The following DOCK1 variants were observed in gnomAD, a reference collection of about 807,000 sequenced individuals.
DOCK1 encodes dedicator of cytokinesis 1.
DOCK1 carries 138 observed loss-of-function variants against 262.7 expected under a neutral mutation model. That is an observed-to-expected ratio of 0.53 (90% confidence interval 0.46 to 0.61). The LOEUF (loss-of-function observed/expected upper bound fraction) is 0.61. DOCK1 is among the 20% of genes least tolerant of loss of function. The pLI, the probability that DOCK1 is intolerant of heterozygous loss-of-function variation, is 0.00. For missense variants in DOCK1, 1,908 were observed against 2,370.7 expected (o/e 0.80, Z 4.05); for synonymous variants, 866 against 867.4 (o/e 1.00, Z 0.03).
chr10:127,301,255 C>T (rs1243707026), intron 29 of DOCK1, among the ~76,000 whole-genome samples: 4 of 152,128 alleles, frequency 2.6e-5, no homozygotes, highest in Admixed American at 1.3e-4. Context: ...AGGCCTGGAT[C>T]GGAGGGTTAA....
chr10:127,201,211 A>G, intron 27 of DOCK1, among the ~76,000 whole-genome samples: 1 of 152,114 alleles, frequency 6.6e-6, no homozygotes, highest in East Asian at 1.9e-4. Context: ...TTTCTGCATC[A>G]TTCCCCTTGT....
At position 127,033,631 on chromosome 10, in the gene DOCK1, C is replaced by T. The variant is rs141491263; in HGVS notation, c.1912+1311C>T. On this transcript the variant is annotated intron_variant, in intron 18 of 51. Coordinates refer to ENST00000623213, the MANE Select transcript of DOCK1 (RefSeq NM_001290223.2). Reference sequence around the variant, plus strand: ...TGTCTGTTGCTATCATGAGTTGTGTCTCTGGGGGATTGTCCGTAAATCATG... The same window carrying T: ...TGTCTGTTGCTATCATGAGTTGTGTTTCTGGGGGATTGTCCGTAAATCATG... Among the ~76,000 whole-genome samples, 978 of 152,254 alleles carry T rather than the reference C, an allele frequency of 6.4e-3. 6 individuals carry two copies. Among genetic ancestry groups the T allele is most frequent in the Admixed American group, 7.2e-3 (110 of 15,300 alleles).
chr10:127,075,631 C>T (rs1412892610), intron 23 of DOCK1, among the ~76,000 whole-genome samples: 1 of 152,128 alleles, frequency 6.6e-6, no homozygotes, highest in East Asian at 1.9e-4. Context: ...GAAGGGGAAG[C>T]AAGGACCTTC....
At chr10:127,091,719 A>G (rs1417553111) in intron 23 of DOCK1, among the ~76,000 whole-genome samples, 3 of 152,238 alleles carry the variant, frequency 2.0e-5, no homozygotes, top group African/African-American at 4.8e-5. Flanking sequence ...GTCAAAATGC[A>G]GCATTCGTAA....
At chr10:126,911,849 A>G (rs1490217150) in intron 1 of DOCK1, among the ~76,000 whole-genome samples, 6 of 152,168 alleles carry the variant, frequency 3.9e-5, no homozygotes, top group East Asian at 1.9e-4. Context: ...CTGTTCCTCA[A>G]TTTGCTTTTA....
Position 126,998,211 on chromosome 10 carries a change from C to T in DOCK1, c.729C>T (p.Leu243=). Residue 243 remains leucine, a synonymous_variant, in exon 8 of 52, where the codon CTC becomes CTT. Coordinates refer to ENST00000623213, the MANE Select transcript of DOCK1 (RefSeq NM_001290223.2). ...AAATAGGAGAAGATGCTGAAGTCCT[C>T]ATGTCTCTATATGACCCTGTGGAGT... ...VCKIGEDAEV[L]MSLYDPVESK... The T allele has an allele frequency of 6.2e-7, 1 of 1,614,026 alleles. No individual in the cohort carries two copies. The highest frequency in any genetic ancestry group is 8.5e-7 in the Non-Finnish European group (1 of 1,179,896).
rs78951013 is a variant in DOCK1, at chr10:127,062,104, T to G, written c.2445+328T>G. 2.3e-3 allele frequency among the ~76,000 whole-genome samples: 348 copies of G among 151,852 alleles called. 1 individual carries two copies. Among genetic ancestry groups the G allele is most frequent in the Middle Eastern group, 6.8e-3 (2 of 294 alleles). ...GGCGCATGCCACCATGCCTGGCAAA[T>G]TTTTTTGTATTTTTAGTAGAGATGG... On this transcript the variant is annotated intron_variant, in intron 23 of 51. Transcript: ENST00000623213.
chr10:127,432,569 C>G (rs991175498), intron 47 of DOCK1, among the ~76,000 whole-genome samples: 5 of 152,064 alleles, frequency 3.3e-5, no homozygotes, highest in African/African-American at 1.2e-4. Flanking sequence ...GTGCAGGTAC[C>G]CTGGAATTTT....
At chr10:126,930,916 A>G (rs2034137619) in intron 1 of DOCK1, among the ~76,000 whole-genome samples, 1 of 152,118 alleles carries the variant, frequency 6.6e-6, no homozygotes. Flanking sequence ...ACCTGAGGAC[A>G]TGAAAGGGGA....
At chr10:127,412,430 A>T (rs1332359394) in intron 43 of DOCK1, among the ~76,000 whole-genome samples, 1 of 152,150 alleles carries the variant, frequency 6.6e-6, no homozygotes, top group Non-Finnish European at 1.5e-5. Context: ...ATAAGCCATA[A>T]TTTTTTTAAA....
chr10:127,324,976 T>C (rs2062695193), intron 29 of DOCK1, among the ~76,000 whole-genome samples: 2 of 152,128 alleles, frequency 1.3e-5, no homozygotes, highest in African/African-American at 4.8e-5. Flanking sequence ...GGTCCAGCGT[T>C]GGGCACTGTC....
At chr10:127,110,381 C>G (rs1042047345) in intron 25 of DOCK1, 27 bp downstream of exon 25, 1 of 1,578,902 alleles carries the variant, frequency 6.3e-7, no homozygotes, top group Admixed American at 1.8e-5. Context: ...GAATTATTCA[C>G]TTGTCCTGTT....
chr10:127,066,250 G>A (rs373506312), intron 23 of DOCK1, among the ~76,000 whole-genome samples: 224 of 149,646 alleles, frequency 1.5e-3, no homozygotes, highest in African/African-American at 2.0e-3. Flanking sequence ...AGTCAGCCTC[G>A]GAATTCCCTT....
chr10:127,331,574 G>C (rs12569495), intron 29 of DOCK1, among the ~76,000 whole-genome samples: 7,609 of 152,198 alleles, frequency 0.05, 255 homozygotes, highest in East Asian at 0.18. Context: ...GAGCCACGGC[G>C]CCCGGCCCGG....
chr10:127,186,260 G>A lies in DOCK1; in HGVS notation c.2847+58496G>A, dbSNP rs145523419. On this transcript the variant is annotated intron_variant, in intron 27 of 51. Transcript: ENST00000623213. ...AGGACAGGTGTTTAACGGACTCTCC[G>A]TTCTGCATTGCTGGGGAGGCCTCAA... Among the ~76,000 whole-genome samples the A allele has an allele frequency of 5.9e-3, 897 of 152,284 alleles. 9 individuals carry two copies. The highest frequency in any genetic ancestry group is 6.3e-3 in the Non-Finnish European group (430 of 68,020).
chr10:127,374,351 C>T (rs906339383), intron 35 of DOCK1, 137 bp downstream of exon 35: 1 of 1,168,780 alleles, frequency 8.6e-7, no homozygotes, highest in Non-Finnish European at 1.2e-6. Context: ...CTTGTTTCCT[C>T]ATCTGCTGCA....
At chr10:126,918,227 C>T (rs576554596) in intron 1 of DOCK1, among the ~76,000 whole-genome samples, 51 of 152,032 alleles carry the variant, frequency 3.4e-4, no homozygotes, top group African/African-American at 1.2e-3. Flanking sequence ...CAGCATGCAG[C>T]GGGGACTCCA....
At chr10:127,184,003 A>C (rs1414318463) in intron 27 of DOCK1, among the ~76,000 whole-genome samples, 1 of 152,104 alleles carries the variant, frequency 6.6e-6, no homozygotes, top group Non-Finnish European at 1.5e-5. Flanking sequence ...TCGAAGGTTT[A>C]TCTCTTTGTG....
At chr10:127,407,764 C>T (rs75459299) in intron 40 of DOCK1, among the ~76,000 whole-genome samples, 2,083 of 152,206 alleles carry the variant, frequency 0.014, 52 homozygotes, top group African/African-American at 0.047. Context: ...CCTGGAGGTT[C>T]TTCCCCCGTG....
Sources: gnomAD v4.1 joint callset for allele counts (sites outside exome capture counted in the v4.1 genomes callset) on GRCh38, gnomAD v4.1.1 for gene constraint, MANE v1.5 for transcripts, NCBI Gene and HGNC (gene_info 2026-07-23, HGNC 2026-07-21) for gene names.